EP300: variants seen among roughly 807,000 people sequenced by gnomAD.
EP300 encodes the protein histone acetyltransferase p300.
In EP300, 31 loss-of-function variants were observed where a neutral mutation model predicts 264.0. The ratio of observed to expected loss-of-function variants is 0.12; its 90% CI spans 0.09 to 0.16. EP300 has a LOEUF of 0.16. Among genes scored for constraint, EP300 ranks in the 10% least tolerant of loss-of-function variants. EP300 has a pLI of 1.00. For synonymous variants in EP300, 1,340 were observed against 1,045.4 expected (o/e 1.28, Z -5.44); for missense variants, 2,766 against 3,052.9 (o/e 0.91, Z 2.21).
intron 3 of EP300, among the ~76,000 whole-genome samples, chr22:41,127,265 A>G (rs972053663): frequency 6.6e-6 from 1 of 151,896 alleles, no homozygotes; most frequent in South Asian, 2.1e-4. Flanking sequence ...CTCTCTGTGT[A>G]TTATACATAC....
rs2145771934 is a variant in EP300, at chr22:41,173,620, C to T, written c.4618-3C>T. The T allele has an allele frequency of 6.2e-7, 1 of 1,614,022 alleles. No individual in the cohort carries two copies. The highest frequency in any genetic ancestry group is 1.1e-5 in the South Asian group (1 of 91,062). On this transcript the variant is annotated splice_polypyrimidine_tract_variant and splice_region_variant and intron_variant, in intron 28 of 30. Transcript: ENST00000263253. ...TTCTTGTCTCCTTTGTGCTACTCTG[C>T]AGGTGACCAAGGGAGACAGCAAAAA...
chr22:41,173,119 A>G (rs1052718311), intron 28 of EP300, among the ~76,000 whole-genome samples: 3 of 152,172 alleles, frequency 2.0e-5, no homozygotes, highest in Non-Finnish European at 4.4e-5. Flanking sequence ...CTCACCAGTT[A>G]TTTCCCCATA....
At chr22:41,146,321 C>T (rs568369098) in intron 10 of EP300, among the ~76,000 whole-genome samples, 3 of 152,098 alleles carry the variant, frequency 2.0e-5, no homozygotes, top group Non-Finnish European at 2.9e-5. Context: ...CCTGCCACCA[C>T]GCCTGGCTAA....
intron 20 of EP300, among the ~76,000 whole-genome samples, chr22:41,161,620 AT>A (rs2059109096): frequency 6.6e-6 from 1 of 152,318 alleles, no homozygotes; most frequent in Admixed American, 6.5e-5. Context: ...CTGTCTCAAA[AT>A]AAATAAAAGA....
In EP300 at chr22:41,152,365, C is replaced by G. The variant is rs1168253721; in HGVS notation, c.3142+15C>G. On this transcript the variant is annotated intron_variant, in intron 16 of 30. Coordinates refer to ENST00000263253, the MANE Select transcript of EP300 (RefSeq NM_001429.4). ...AAAGAAAAAGAGTGAGTCTCTGAAG[C>G]CATTCGTTCTGGAGGTAGCTGAAGA... The G allele has an allele frequency of 6.2e-7, 1 of 1,609,498 alleles. No individual in the cohort carries two copies. Among genetic ancestry groups the G allele is most frequent in the African/African-American group, 1.3e-5 (1 of 74,838 alleles).
chr22:41,151,101 C>A (rs552291998), intron 14 of EP300, among the ~76,000 whole-genome samples: 14 of 151,634 alleles, frequency 9.2e-5, no homozygotes, highest in Admixed American at 2.6e-4. Context: ...ACTTTGATAC[C>A]GATATTAATA....
Position 41,167,533 on chromosome 22 carries a change from A to G in EP300, c.3874+867A>G, listed in dbSNP as rs149599766. Among the ~76,000 whole-genome samples the G allele has an allele frequency of 3.7e-4, 53 of 143,754 alleles. 1 individual carries two copies. The East Asian group carries it at 0.01, about 27-fold the overall frequency. 94.3% of individuals were successfully genotyped at this position (143,754 alleles called of 152,430 possible). On this transcript the variant is annotated intron_variant, in intron 23 of 30. Transcript: ENST00000263253. ...AATATTACTGCAATCTAGGCAAAGTACATAGAGATGTTCATTGTTTATATA... is the reference window on the plus strand; with the variant it reads ...AATATTACTGCAATCTAGGCAAAGTGCATAGAGATGTTCATTGTTTATATA...
chr22:41,175,279 A>C (rs901675581), intron 29 of EP300, among the ~76,000 whole-genome samples: 22 of 151,516 alleles, frequency 1.5e-4, no homozygotes, highest in African/African-American at 4.6e-4. Flanking sequence ...AGAGACTGTG[A>C]GTGTGGCTGC....
At chr22:41,170,843 T>A (rs2059166045) in intron 27 of EP300, among the ~76,000 whole-genome samples, 1 of 151,660 alleles carries the variant, frequency 6.6e-6, no homozygotes, top group African/African-American at 2.4e-5. Flanking sequence ...TTTTGTATTT[T>A]TAGTAGAGAC....
At chr22:41,160,442 AAAAAAAC>A in intron 19 of EP300, 193 bp from the exon 20 acceptor site, 1 of 543,282 alleles carries the variant, frequency 1.8e-6, no homozygotes, top group Non-Finnish European at 3.3e-6. Context: ...AAAAAAAAAC[AAAAAAAC>A]AAACAAAAAA....
At chr22:41,112,980 G>A (rs1040870521) in intron 1 of EP300, among the ~76,000 whole-genome samples, 1 of 151,884 alleles carries the variant, frequency 6.6e-6, no homozygotes, top group African/African-American at 2.4e-5. Flanking sequence ...CATTTCACCA[G>A]AAATATTTCA....
chr22:41,160,499 T>C (rs2059102231), intron 19 of EP300, 143 bp from the exon 20 acceptor site: 1 of 714,556 alleles, frequency 1.4e-6, no homozygotes, highest in Non-Finnish European at 2.6e-6. Context: ...TCTGCATCAT[T>C]GAATGTCCTT....
At chr22:41,113,751 T>C (rs1405423201) in intron 1 of EP300, among the ~76,000 whole-genome samples, 1 of 152,184 alleles carries the variant, frequency 6.6e-6, no homozygotes, top group Non-Finnish European at 1.5e-5. Context: ...TTTCACCGTG[T>C]TATCCAGGAT....
Position 41,178,926 on chromosome 22 carries a change from C to G in EP300, c.7215C>G (p.Asn2405Lys). ...CCGATAACTCAGACTTGAATTCAAA[C>G]CTCTCACAGAGTACACTAGACATAC... The part of the protein sequence containing the change: ...LSTDNSDLNS[N>K]LSQSTLDIH The change falls in exon 31 of 31, where the codon AAC (asparagine) becomes AAG (lysine). Residue 2405 changes from asparagine to lysine, a missense_variant. Physicochemically the swap from Asn to Lys is moderately conservative, Grantham distance 94. Transcript: ENST00000263253. 1 of 1,614,180 alleles carries G rather than the reference C, an allele frequency of 6.2e-7. No homozygotes were observed. The highest frequency in any genetic ancestry group is 8.5e-7 in the Non-Finnish European group (1 of 1,180,042).
Position 41,135,760 on chromosome 22 carries a change from G to C in EP300, c.1529-53G>C, listed in dbSNP as rs946863882. On this transcript the variant is annotated intron_variant, in intron 6 of 30. Coordinates refer to ENST00000263253, the MANE Select transcript of EP300 (RefSeq NM_001429.4). ...GTTTCTTAACTTTATAGTATTTATT[G>C]TATGGTGGCTGTTGTATTTATTTCT... The C allele has an allele frequency of 3.2e-5, 41 of 1,295,482 alleles. No homozygotes were observed. The South Asian group carries it at 4.8e-4, about 15-fold the overall frequency. 80.2% of individuals were successfully genotyped at this position (1,295,482 alleles called of 1,614,324 possible). A position where few individuals can be genotyped will look rare whatever the true frequency, so the allele number is the denominator to read the frequency against.
rs59721178 is a variant in EP300 at position 41,179,880 on chromosome 22, T to TCACACACACACACACACACA, written c.*948_*967dup. ...TCTTCCTCCTTACCCTACCCCCCACTCACACACACACACACACACACACAC... is the reference window on the plus strand; with the variant it reads ...TCTTCCTCCTTACCCTACCCCCCACTCACACACACACACACACACACACACACACACACACACACACACAC... On this transcript the variant is annotated 3_prime_UTR_variant, in exon 31 of 31. Coordinates refer to ENST00000263253, the MANE Select transcript of EP300 (RefSeq NM_001429.4). 1.3e-5 allele frequency: 2 copies of TCACACACACACACACACACA among 158,394 alleles called. No homozygotes were observed. Among genetic ancestry groups the TCACACACACACACACACACA allele is most frequent in the African/African-American group, 2.5e-5 (1 of 39,362 alleles). 9.8% of individuals were successfully genotyped at this position (158,394 alleles called of 1,614,324 possible). A position where few individuals can be genotyped will look rare whatever the true frequency, so the allele number is the denominator to read the frequency against.
intron 17 of EP300, among the ~76,000 whole-genome samples, chr22:41,156,381 T>G (rs1285625826): frequency 6.6e-6 from 1 of 152,164 alleles, no homozygotes; most frequent in Non-Finnish European, 1.5e-5. Flanking sequence ...GTTTTTAAAG[T>G]TGCCTCCATA....
intron 1 of EP300, among the ~76,000 whole-genome samples, chr22:41,104,348 G>A (rs146624966): frequency 1.3e-5 from 2 of 151,640 alleles, no homozygotes; most frequent in African/African-American, 4.8e-5. Context: ...GGAGTGCAGT[G>A]GTGTAATCTT....
intron 11 of EP300, among the ~76,000 whole-genome samples, chr22:41,147,059 C>T (rs1177918380): frequency 2.0e-5 from 3 of 152,068 alleles, no homozygotes; most frequent in South Asian, 2.1e-4. Context: ...AATCCCAGCA[C>T]TTTGGGAGGC....
Sources: gnomAD v4.1 joint callset for allele counts (sites outside exome capture counted in the v4.1 genomes callset) on GRCh38, gnomAD v4.1.1 for gene constraint, MANE v1.5 for transcripts, NCBI Gene and HGNC (gene_info 2026-07-23, HGNC 2026-07-21) for gene names.